Variants in ZSWIM8 observed in about 807,000 individuals in gnomAD.
The protein encoded by ZSWIM8 is zinc finger SWIM-type containing 8.
Under a neutral mutation model 173.7 loss-of-function variants are expected in ZSWIM8, and 27 were observed. The observed-to-expected ratio is 0.16, with a 90% confidence interval of 0.11 to 0.21. The LOEUF is 0.21. Among genes scored for constraint, ZSWIM8 ranks in the 10% least tolerant of loss-of-function variants. The pLI, the probability that ZSWIM8 is intolerant of heterozygous loss-of-function variation, is 1.00. For synonymous variants in ZSWIM8, 958 were observed against 962.0 expected, an observed-to-expected ratio of 1.00 and a Z score of 0.08; for missense variants, 1,627 against 2,428.8, an observed-to-expected ratio of 0.67 and a Z score of 6.94.
Position 73,785,914 on chromosome 10 carries a change from G to T in ZSWIM8, c.36G>T (p.Glu12Asp). 1.3e-6 allele frequency: 2 copies of T among 1,550,346 alleles called. No individual in the cohort carries two copies. Among genetic ancestry groups the T allele is most frequent in the Non-Finnish European group, 1.7e-6 (2 of 1,146,528 alleles). Reference protein sequence around the residue: ...ELMFAEWEDGERFSFEDSDRF... With the variant: ...ELMFAEWEDGDRFSFEDSDRF... Reference sequence around the variant, plus strand: ...TGTTTGCAGAGTGGGAGGACGGAGAGCGCTTCTCATTCGAGGATTCGGACC... The same window carrying T: ...TGTTTGCAGAGTGGGAGGACGGAGATCGCTTCTCATTCGAGGATTCGGACC... Residue 12 changes from glutamate to aspartate, a missense_variant, in exon 1 of 26, where the codon GAG (glutamate) becomes GAT (aspartate). Around this residue, in one of 18 missense-constraint regions of ZSWIM8, gnomAD observed 60 missense variants for 93.9 expected, o/e 0.64. Coordinates refer to ENST00000604729, the MANE Select transcript of ZSWIM8 (RefSeq NM_001367799.1).
Position 73,785,877 on chromosome 10 carries a change from C to G in ZSWIM8, c.-2C>G. 4 of 1,520,160 alleles carry G rather than the reference C, an allele frequency of 2.6e-6. No homozygotes were observed. Among genetic ancestry groups the G allele is most frequent in the Non-Finnish European group, 3.5e-6 (4 of 1,132,720 alleles). The allele number at this position is 1,520,160 out of a possible 1,614,324, so 94.2% of individuals were successfully genotyped here. A position where few individuals can be genotyped will look rare whatever the true frequency, so the allele number is the denominator to read the frequency against. The stretch of plus-strand genomic sequence containing the variant: ...GACCCGGCCCCGGGGGGTGCGGGCC[C>G]CATGGAGCTGATGTTTGCAGAGTGG... On this transcript the variant is annotated 5_prime_UTR_variant, in exon 1 of 26. Coordinates refer to ENST00000604729, the MANE Select transcript of ZSWIM8 (RefSeq NM_001367799.1).
Position 73,791,268 on chromosome 10 carries a change from C to T in ZSWIM8, c.1144-56C>T. 6.3e-7 allele frequency: 1 copy of T among 1,575,854 alleles called. No individual in the cohort carries two copies. Among genetic ancestry groups the T allele is most frequent in the Non-Finnish European group, 8.7e-7 (1 of 1,154,882 alleles). On this transcript the variant is annotated intron_variant, in intron 8 of 25. Coordinates refer to ENST00000604729, the MANE Select transcript of ZSWIM8 (RefSeq NM_001367799.1). The surrounding 1 kb of genome is among the most constrained non-coding windows in gnomAD (Gnocchi z 6.0). ...CTTGCTGAAATGGACTCTGGGAGGG[C>T]TACTCTGCCTTTCTCTGAGCTCTCA...
At position 73,798,457 on chromosome 10, in the gene ZSWIM8, T is replaced by G. The variant is rs777111927; in HGVS notation, c.4176+4T>G. ...CCTGGTGCAGTGCAAGGAACAGGTA[T>G]TTCTACGGGCAATCTGGGAACCTCT... On this transcript the variant is annotated splice_donor_region_variant and intron_variant, in intron 20 of 25. Transcript: ENST00000604729. 6.2e-7 allele frequency: 1 copy of G among 1,610,040 alleles called. No homozygotes were observed. The highest frequency in any genetic ancestry group is 1.7e-5 in the Admixed American group (1 of 59,910).
chr10:73,791,546 C>G lies in ZSWIM8; in HGVS notation c.1319+47C>G. 1.3e-6 allele frequency: 2 copies of G among 1,515,902 alleles called. No individual in the cohort carries two copies. Among genetic ancestry groups the G allele is most frequent in the Non-Finnish European group, 1.8e-6 (2 of 1,125,978 alleles). 93.9% of individuals were successfully genotyped at this position (1,515,902 alleles called of 1,614,324 possible). ...CCACAGAACTGAGCCTGGGCCAGCT[C>G]AGGACAGACTGAGCCTTCATCTCCT... On this transcript the variant is annotated intron_variant, in intron 9 of 25. Coordinates refer to ENST00000604729, the MANE Select transcript of ZSWIM8 (RefSeq NM_001367799.1). The surrounding 1 kb of genome is among the most constrained non-coding windows in gnomAD (Gnocchi z 6.0).
chr10:73,792,761 G>GGGGCGAGGAAGAGAAGGCCGA lies in ZSWIM8; in HGVS notation c.2228_2248dup (p.Glu743_Gly749dup). 1 of 1,612,648 alleles carries GGGGCGAGGAAGAGAAGGCCGA rather than the reference G, an allele frequency of 6.2e-7. No individual in the cohort carries two copies. Among genetic ancestry groups the GGGGCGAGGAAGAGAAGGCCGA allele is most frequent in the Non-Finnish European group, 8.5e-7 (1 of 1,179,838 alleles). On this transcript the variant is annotated inframe_insertion, in exon 10 of 26. Coordinates refer to ENST00000604729, the MANE Select transcript of ZSWIM8 (RefSeq NM_001367799.1). The surrounding 1 kb of genome is among the most constrained non-coding windows in gnomAD (Gnocchi z 4.3). Reference sequence around the variant, plus strand: ...TATCTGAATGCCCAGGATGGGGCTGGGGGCGAGGAAGAGAAGGCCGAGGGC... The same window carrying GGGGCGAGGAAGAGAAGGCCGA: ...TATCTGAATGCCCAGGATGGGGCTGGGGGCGAGGAAGAGAAGGCCGAGGGCGAGGAAGAGAAGGCCGAGGGC...
rs1404589787 is a variant in ZSWIM8 at position 73,792,454 on chromosome 10, G to C, written c.1915G>C (p.Gly639Arg). The C allele has an allele frequency of 6.2e-7, 1 of 1,607,888 alleles. No homozygotes were observed. The highest frequency in any genetic ancestry group is 8.5e-7 in the Non-Finnish European group (1 of 1,177,132). The part of the protein sequence containing the change: ...ALGAEASTFG[G>R]FPESPPPCPL... ...GGGCGCAGAGGCCAGCACCTTCGGG[G>C]GATTCCCTGAGAGCCCTCCACCCTG... is the stretch of plus-strand genomic sequence containing the variant. The change falls in exon 10 of 26, where the codon GGA becomes CGA. Residue 639 changes from glycine to arginine, a missense_variant. This residue lies in a region of ZSWIM8 where 383 missense variants were observed against 394.8 expected (regional missense o/e 0.97). Transcript: ENST00000604729. This position sits in a 1 kb window ranked among gnomAD's most constrained non-coding sequence, Gnocchi z 4.3.
rs1032797109 is a variant in ZSWIM8 at position 73,799,876 on chromosome 10, G to A, written c.4666-135G>A. On this transcript the variant is annotated intron_variant, in intron 21 of 25. Coordinates refer to ENST00000604729, the MANE Select transcript of ZSWIM8 (RefSeq NM_001367799.1). ...TGCAGTGAGCCGATATCGTGCCACT[G>A]CACTCCAGCCTGGAGGACAGAGCGA... 1.3e-5 allele frequency: 11 copies of A among 870,638 alleles called. No individual in the cohort carries two copies. The East Asian group carries it at 2.1e-4, about 16-fold the overall frequency. The allele number at this position is 870,638 out of a possible 1,614,324, so 53.9% of individuals were successfully genotyped here. A position where few individuals can be genotyped will look rare whatever the true frequency, so the allele number is the denominator to read the frequency against.
Position 73,789,638 on chromosome 10 carries a change from C to T in ZSWIM8, c.631-79C>T. 1 of 1,546,366 alleles carries T rather than the reference C, an allele frequency of 6.5e-7. No individual in the cohort carries two copies. The highest frequency in any genetic ancestry group is 8.8e-7 in the Non-Finnish European group (1 of 1,139,594). ...AATGTGAGCCCCCTCGCCTCGCCTA[C>T]TCTGCCTCTCTGTCCCCCAGCTCCA... On this transcript the variant is annotated intron_variant, in intron 4 of 25. Transcript: ENST00000604729. This position sits in a 1 kb window ranked among gnomAD's most constrained non-coding sequence, Gnocchi z 6.8.
chr10:73,797,312 C>T lies in ZSWIM8; in HGVS notation c.3433+41C>T. ...GGCTAGCATAGAGGGAAGGATAATCCTGAAGGTTGGAGTCTTAACATCTGG... is the reference window on the plus strand; with the variant it reads ...GGCTAGCATAGAGGGAAGGATAATCTTGAAGGTTGGAGTCTTAACATCTGG... On this transcript the variant is annotated intron_variant, in intron 17 of 25. Transcript: ENST00000604729. The surrounding 1 kb of genome is among the most constrained non-coding windows in gnomAD (Gnocchi z 5.6). 1 of 1,613,316 alleles carries T rather than the reference C, an allele frequency of 6.2e-7. No homozygotes were observed. Among genetic ancestry groups the T allele is most frequent in the Non-Finnish European group, 8.5e-7 (1 of 1,179,402 alleles).
chr10:73,794,837 C>A (rs375382145), intron 14 of ZSWIM8, 198 bp downstream of exon 14: 31 of 454,790 alleles, frequency 6.8e-5, no homozygotes, highest in East Asian at 5.7e-4. Flanking sequence ...CTTGTAATCG[C>A]AGCGCTTTGG....
rs189903670 is a variant in ZSWIM8 at position 73,799,588 on chromosome 10, G to A, written c.4665+98G>A. On this transcript the variant is annotated intron_variant, in intron 21 of 25. Coordinates refer to ENST00000604729, the MANE Select transcript of ZSWIM8 (RefSeq NM_001367799.1). ...CTCTGGGAGTATAATTGGTCAGTCG[G>A]AGAGTCCTGGTGAGGTGGTGGGAGT... 8 of 1,508,572 alleles carry A rather than the reference G, an allele frequency of 5.3e-6. 1 individual carries two copies. The Admixed American group carries it at 1.6e-4, about 30-fold the overall frequency. The allele number at this position is 1,508,572 out of a possible 1,614,324, so 93.4% of individuals were successfully genotyped here. A position where few individuals can be genotyped will look rare whatever the true frequency, so the allele number is the denominator to read the frequency against.
intron 7 of ZSWIM8, among the ~76,000 whole-genome samples, chr10:73,790,602 AT>A (rs1403918334): frequency 1.3e-5 from 2 of 152,134 alleles, no homozygotes; most frequent in Non-Finnish European, 2.9e-5. Context: ...TAATCCCAGC[AT>A]TTTGGGAGGC....
rs751805874 is a variant in ZSWIM8, at chr10:73,801,519, A to AGTC, written c.*1_*3dup. 19 of 1,613,694 alleles carry AGTC rather than the reference A, an allele frequency of 1.2e-5. No homozygotes were observed. In the South Asian group the frequency reaches 1.9e-4, roughly 16 times the overall value. ...TCGAGATGGCCACCTTCTCCCCCTG[A>AGTC]GTCTTTCACCCTTAGGGTCCTATAC... On this transcript the variant is annotated 3_prime_UTR_variant, in exon 26 of 26. Coordinates refer to ENST00000604729, the MANE Select transcript of ZSWIM8 (RefSeq NM_001367799.1). This position sits in a 1 kb window ranked among gnomAD's most constrained non-coding sequence, Gnocchi z 4.9.
rs2083704617 is a variant in ZSWIM8, at chr10:73,797,210, T to C, written c.3372T>C (p.Ser1124=). Residue 1124 remains serine, a synonymous_variant, in exon 17 of 26, where the codon AGT becomes AGC. Transcript: ENST00000604729. This position sits in a 1 kb window ranked among gnomAD's most constrained non-coding sequence, Gnocchi z 5.6. ...GKVPSRLALG[S]RGGYNGRGWG... is the part of the protein sequence containing the mutation. Reference sequence around the variant, plus strand: ...TTCCTAGCCGCTTGGCACTTGGCAGTCGTGGAGGCTATAATGGACGGGGAT... The same window carrying C: ...TTCCTAGCCGCTTGGCACTTGGCAGCCGTGGAGGCTATAATGGACGGGGAT... 2 of 1,613,878 alleles carry C rather than the reference T, an allele frequency of 1.2e-6. No individual in the cohort carries two copies. The highest frequency in any genetic ancestry group is 1.3e-5 in the African/African-American group (1 of 74,936).
chr10:73,799,470 C>T lies in ZSWIM8; in HGVS notation c.4645C>T (p.Pro1549Ser), dbSNP rs1415801915. ...GCCCCGGCCTGCCGTCTTCCCTGTG[C>T]CCAGCTCTGCATACCCACAGGTGAG... ...HMPRPAVFPV[P>S]SSAYPQGVHP... Residue 1549 changes from proline to serine, a missense_variant, in exon 21 of 26, where the codon CCC becomes TCC. Transcript: ENST00000604729. The T allele has an allele frequency of 6.3e-7, 1 of 1,598,956 alleles. No individual in the cohort carries two copies. Among genetic ancestry groups the T allele is most frequent in the Admixed American group, 1.7e-5 (1 of 58,042 alleles).
rs2083933912 is a variant in ZSWIM8 at position 73,801,009 on chromosome 10, C to A, written c.5123-8C>A. On this transcript the variant is annotated splice_polypyrimidine_tract_variant and splice_region_variant and intron_variant, in intron 24 of 25. Transcript: ENST00000604729. This position sits in a 1 kb window ranked among gnomAD's most constrained non-coding sequence, Gnocchi z 4.9. The stretch of plus-strand genomic sequence containing the variant: ...CCCCCGTCTCATGCCCCTCCCCCTG[C>A]CCCCCAGGAGTGAACTACGTGCACC... The A allele has an allele frequency of 1.3e-6, 2 of 1,537,714 alleles. No homozygotes were observed. Among genetic ancestry groups the A allele is most frequent in the East Asian group, 2.5e-5 (1 of 40,550 alleles).
At chr10:73,790,809 A>C (rs756699203) in intron 7 of ZSWIM8, among the ~76,000 whole-genome samples, 166 bp from the exon 8 acceptor site, 1 of 152,118 alleles carries the variant, frequency 6.6e-6, no homozygotes, top group Non-Finnish European at 1.5e-5. Flanking sequence ...AGATCGCGCC[A>C]TTGCACTCAA....
chr10:73,801,555 G>A lies in ZSWIM8; in HGVS notation c.*36G>A, dbSNP rs371150839. 2 of 1,607,986 alleles carry A rather than the reference G, an allele frequency of 1.2e-6. No individual in the cohort carries two copies. The highest frequency in any genetic ancestry group is 2.2e-5 in the East Asian group (1 of 44,654). ...CTTAGGGTCCTATACAGGGACCCAGGCCTGTGGCTATGGGGGCCCCTCACA... is the reference window on the plus strand; with the variant it reads ...CTTAGGGTCCTATACAGGGACCCAGACCTGTGGCTATGGGGGCCCCTCACA... On this transcript the variant is annotated 3_prime_UTR_variant, in exon 26 of 26. Transcript: ENST00000604729. This position sits in a 1 kb window ranked among gnomAD's most constrained non-coding sequence, Gnocchi z 4.9.
rs1328229080 is a variant in ZSWIM8 at position 73,789,536 on chromosome 10, C to T, written c.627C>T (p.His209=). ...HVVALCLFRI[H]NASAVCLRAP... ...TGGCACTCTGTCTCTTCCGCATCCA[C>T]AACGTGAGGCCCTCCCAATTTATCC... The change falls in exon 4 of 26, where the codon CAC becomes CAT. Residue 209 remains histidine (H), a synonymous_variant. Transcript: ENST00000604729. The surrounding 1 kb of genome is among the most constrained non-coding windows in gnomAD (Gnocchi z 6.8). 1.2e-6 allele frequency: 2 copies of T among 1,611,994 alleles called. No homozygotes were observed. The highest frequency in any genetic ancestry group is 2.2e-5 in the East Asian group (1 of 44,832).
Sources: allele counts gnomAD v4.1 joint callset (sites outside exome capture counted in the v4.1 genomes callset), GRCh38; gene constraint gnomAD v4.1.1; regional missense constraint gnomAD v4.1.1; non-coding constraint Gnocchi (gnomAD v3.1); transcripts MANE v1.5; gene names NCBI Gene and HGNC (gene_info 2026-07-23, HGNC 2026-07-21).